Variants in SCAMP1 observed in about 807,000 individuals in gnomAD.
The protein encoded by SCAMP1 is secretory carrier membrane protein 1.
Under a neutral mutation model 41.8 loss-of-function variants are expected in SCAMP1, and 15 were observed. The ratio of observed to expected loss-of-function variants is 0.36; its 90% CI spans 0.24 to 0.55. SCAMP1 has a LOEUF of 0.55. Among genes scored for constraint, SCAMP1 ranks in the 20% least tolerant of loss-of-function variants. The probability of loss-of-function intolerance (pLI) is 0.86; values close to 1 mark genes in which losing one functional copy is unlikely to be tolerated. For missense variants in SCAMP1, 341 were observed against 412.6 expected (o/e 0.83, Z 1.50); for synonymous variants, 135 against 136.8 (o/e 0.99, Z 0.09).
chr5:78,371,952 A>G (rs1186036645), intron 1 of SCAMP1, among the ~76,000 whole-genome samples: 1 of 152,234 alleles, frequency 6.6e-6, no homozygotes, highest in Non-Finnish European at 1.5e-5. Flanking sequence ...ATAGTTATAC[A>G]TTGATAATTA....
chr5:78,376,879 C>T (rs920450798), intron 1 of SCAMP1, among the ~76,000 whole-genome samples: 1 of 151,974 alleles, frequency 6.6e-6, no homozygotes, highest in Admixed American at 6.6e-5. Flanking sequence ...ATGATCAAGA[C>T]TTGAAATGTG....
At chr5:78,464,975 C>T (rs1407437065) in intron 8 of SCAMP1, among the ~76,000 whole-genome samples, 7 of 152,110 alleles carry the variant, frequency 4.6e-5, no homozygotes, top group Non-Finnish European at 4.4e-5. Flanking sequence ...TCCTTTGTTC[C>T]AGATTTTGTT....
At chr5:78,384,383 G>A (rs557888190) in intron 1 of SCAMP1, among the ~76,000 whole-genome samples, 10 of 152,124 alleles carry the variant, frequency 6.6e-5, no homozygotes, top group East Asian at 5.8e-4. Flanking sequence ...CTAGGTATAT[G>A]ATCATGTCAT....
chr5:78,467,276 T>G (rs1376955493), intron 8 of SCAMP1, among the ~76,000 whole-genome samples: 1 of 152,114 alleles, frequency 6.6e-6, no homozygotes, highest in African/African-American at 2.4e-5. Context: ...GGGTGAAGTA[T>G]AAAGGGAACT....
rs1013501866 is a variant in SCAMP1 at position 78,400,879 on chromosome 5, G to A, written c.135+11965G>A. On this transcript the variant is annotated intron_variant, in intron 2 of 8. Transcript: ENST00000621999. ...TAGTTAGGACTTCTAGTACAATGTT[G>A]AAAAGGAGTGGTGAGAGGGGACATC... is the stretch of plus-strand genomic sequence containing the variant. Among the ~76,000 whole-genome samples the A allele has an allele frequency of 4.5e-4, 68 of 152,068 alleles. 1 individual carries two copies. The highest frequency in any genetic ancestry group is 3.7e-3 in the Admixed American group (56 of 15,268).
intron 1 of SCAMP1, among the ~76,000 whole-genome samples, chr5:78,362,895 C>CTTTTTTT (rs397962842): frequency 7.3e-6 from 1 of 136,606 alleles, no homozygotes; most frequent in Non-Finnish European, 1.5e-5. Flanking sequence ...TCTTTTTTTA[C>CTTTTTTT]TTTTTTTTTT....
At chr5:78,388,781 A>G in intron 1 of SCAMP1, 56 bp from the exon 2 acceptor site, 1 of 950,090 alleles carries the variant, frequency 1.1e-6, no homozygotes, top group Non-Finnish European at 1.6e-6. Context: ...GTAAATATCA[A>G]AATTATTTTT....
chr5:78,478,634 AGTATT>A lies in SCAMP1; in HGVS notation c.*2972_*2976del, dbSNP rs1475150203. 1 of 152,136 alleles carries A rather than the reference AGTATT, an allele frequency of 6.6e-6. No individual in the cohort carries two copies. Among genetic ancestry groups the A allele is most frequent in the East Asian group, 1.9e-4 (1 of 5,200 alleles). 9.4% of individuals were successfully genotyped at this position (152,136 alleles called of 1,614,324 possible). ...GGTTAAAAATGGGTGTCTCTGTACT[AGTATT>A]GTATTTATTCAATTGAACTTGTATT... is the stretch of plus-strand genomic sequence containing the variant. On this transcript the variant is annotated 3_prime_UTR_variant, in exon 9 of 9. Coordinates refer to ENST00000621999, the MANE Select transcript of SCAMP1 (RefSeq NM_004866.6).
intron 2 of SCAMP1, among the ~76,000 whole-genome samples, chr5:78,392,325 A>G (rs1427569616): frequency 1.3e-5 from 2 of 152,230 alleles, no homozygotes; most frequent in African/African-American, 2.4e-5. Context: ...GACACAGGTC[A>G]GCTAGCAAGT....
intron 2 of SCAMP1, among the ~76,000 whole-genome samples, chr5:78,407,248 A>G (rs1193096699): frequency 1.3e-5 from 2 of 152,038 alleles, no homozygotes; most frequent in South Asian, 2.1e-4. Context: ...GTGAGGGTCT[A>G]TTGGTAGTAC....
At chr5:78,472,195 A>G (rs1753896760) in intron 8 of SCAMP1, among the ~76,000 whole-genome samples, 1 of 152,106 alleles carries the variant, frequency 6.6e-6, no homozygotes, top group Admixed American at 6.6e-5. Context: ...GCAACCATCA[A>G]CTGGTGCATT....
At chr5:78,445,193 C>T (rs375415487) in intron 6 of SCAMP1, among the ~76,000 whole-genome samples, 145 of 152,304 alleles carry the variant, frequency 9.5e-4, no homozygotes, top group African/African-American at 3.2e-3. Flanking sequence ...AGCTTATTTT[C>T]TGAGATTTAT....
intron 2 of SCAMP1, 132 bp from the exon 3 acceptor site, chr5:78,415,388 T>C: frequency 3.3e-6 from 2 of 612,638 alleles, no homozygotes; most frequent in Non-Finnish European, 5.8e-6. Flanking sequence ...TGCCACACAC[T>C]TGACTATGAG....
chr5:78,361,903 T>C (rs533540781), intron 1 of SCAMP1, among the ~76,000 whole-genome samples: 11 of 152,350 alleles, frequency 7.2e-5, no homozygotes, highest in African/African-American at 2.6e-4. Flanking sequence ...GCTCTGATTA[T>C]TAAATGCCTG....
intron 8 of SCAMP1, among the ~76,000 whole-genome samples, chr5:78,461,289 T>C (rs1213026613): frequency 6.6e-6 from 1 of 152,250 alleles, no homozygotes; most frequent in African/African-American, 2.4e-5. Context: ...GATTTTCTTC[T>C]AGGATTTTTG....
intron 6 of SCAMP1, among the ~76,000 whole-genome samples, chr5:78,449,062 T>C (rs916837922): frequency 1.8e-4 from 27 of 151,786 alleles, no homozygotes; most frequent in African/African-American, 6.0e-4. Flanking sequence ...AGTTTGGCAG[T>C]TTCTTAAAAA....
intron 6 of SCAMP1, among the ~76,000 whole-genome samples, chr5:78,436,061 T>C (rs1330348601): frequency 6.6e-6 from 1 of 152,226 alleles, no homozygotes; most frequent in Non-Finnish European, 1.5e-5. Flanking sequence ...TTGCCCACTT[T>C]TTGATGGGGT....
intron 8 of SCAMP1, among the ~76,000 whole-genome samples, chr5:78,466,655 C>G (rs1345779342): frequency 6.6e-6 from 1 of 152,102 alleles, no homozygotes; most frequent in Non-Finnish European, 1.5e-5. Flanking sequence ...ATAGTTTTAT[C>G]CTACAGGGTC....
chr5:78,394,802 C>T (rs1255019108), intron 2 of SCAMP1, among the ~76,000 whole-genome samples: 1 of 152,180 alleles, frequency 6.6e-6, no homozygotes, highest in Non-Finnish European at 1.5e-5. Flanking sequence ...TGACTTACAT[C>T]CTAGTATCGT....
Sources: allele counts gnomAD v4.1 joint callset (sites outside exome capture counted in the v4.1 genomes callset), GRCh38; gene constraint gnomAD v4.1.1; transcripts MANE v1.5; gene names NCBI Gene and HGNC (gene_info 2026-07-23, HGNC 2026-07-21).